Variants in ZFHX3 observed in about 807,000 individuals in gnomAD.
ZFHX3 encodes the protein zinc finger homeobox 3.
Under a neutral mutation model 279.1 loss-of-function variants are expected in ZFHX3, and 42 were observed. The ratio of observed to expected loss-of-function variants is 0.15; its 90% CI spans 0.12 to 0.19. ZFHX3 has a LOEUF of 0.19. Ranked by LOEUF, ZFHX3 falls within the 10% of genes least tolerant of loss-of-function variation. The probability of loss-of-function intolerance (pLI) is 1.00; values close to 1 mark genes in which losing one functional copy is unlikely to be tolerated. For missense variants in ZFHX3, 4,981 were observed against 4,754.0 expected, an observed-to-expected ratio of 1.05 and a Z score of -1.40; for synonymous variants, 2,293 against 1,957.8, an observed-to-expected ratio of 1.17 and a Z score of -4.52.
intron 4 of ZFHX3, among the ~76,000 whole-genome samples, chr16:72,847,947 T>C (rs2037520005): frequency 1.3e-5 from 2 of 152,034 alleles, no homozygotes; most frequent in African/African-American, 2.4e-5. Flanking sequence ...TCCATTCACA[T>C]CATCAGGAGA....
At chr16:73,396,572 A>G (rs544858343) in intron 3 of ZFHX3, among the ~76,000 whole-genome samples, 1 of 152,332 alleles carries the variant, frequency 6.6e-6, no homozygotes, top group East Asian at 1.9e-4. Context: ...GAAACTTACA[A>G]TCATGGCAGA....
At chr16:73,046,609 G>A (rs975632206) in intron 1 of ZFHX3, among the ~76,000 whole-genome samples, 14 of 152,070 alleles carry the variant, frequency 9.2e-5, no homozygotes, top group African/African-American at 3.4e-4. Flanking sequence ...ACTCGCACCT[G>A]CTGCTTGACG....
chr16:73,252,697 C>T (rs908031573), intron 5 of ZFHX3, among the ~76,000 whole-genome samples: 5 of 152,064 alleles, frequency 3.3e-5, no homozygotes. Flanking sequence ...GTAGAAACAT[C>T]GGTCACATGG....
At chr16:73,805,369 A>T (rs1293526933) in intron 1 of ZFHX3, among the ~76,000 whole-genome samples, 1 of 152,044 alleles carries the variant, frequency 6.6e-6, no homozygotes. Context: ...GGGTTTCACC[A>T]TGTTGGCCAG....
At chr16:73,318,871 A>G (rs1423992807) in intron 3 of ZFHX3, among the ~76,000 whole-genome samples, 1 of 152,186 alleles carries the variant, frequency 6.6e-6, no homozygotes, top group African/African-American at 2.4e-5. Context: ...GCCCCTGCAT[A>G]AATCAATTAT....
chr16:73,551,387 T>C (rs1424162988), intron 2 of ZFHX3, among the ~76,000 whole-genome samples: 2 of 152,232 alleles, frequency 1.3e-5, no homozygotes, highest in African/African-American at 4.8e-5. Flanking sequence ...GACCAAATTA[T>C]GCATCTGTTT....
intron 1 of ZFHX3, among the ~76,000 whole-genome samples, chr16:72,978,498 T>TC (rs1358405765): frequency 6.6e-6 from 1 of 151,934 alleles, no homozygotes; most frequent in Non-Finnish European, 1.5e-5. Context: ...CAGGACCCCT[T>TC]CCCCCACTCC....
At chr16:73,818,101 G>C (rs1401628945) in intron 1 of ZFHX3, among the ~76,000 whole-genome samples, 1 of 152,202 alleles carries the variant, frequency 6.6e-6, no homozygotes, top group Admixed American at 6.5e-5. Context: ...ACCCAAACGG[G>C]TCAGGCTTGA....
At chr16:73,760,546 C>A (rs1044922290) in intron 1 of ZFHX3, among the ~76,000 whole-genome samples, 6 of 152,028 alleles carry the variant, frequency 3.9e-5, no homozygotes, top group African/African-American at 1.4e-4. Context: ...AACTTCAGAC[C>A]AATATGAACA....
In ZFHX3 at chr16:72,798,461, G is replaced by C; in HGVS notation, c.4221C>G (p.Ser1407Arg). 1 of 1,614,228 alleles carries C rather than the reference G, an allele frequency of 6.2e-7. No homozygotes were observed. Among genetic ancestry groups the C allele is most frequent in the Non-Finnish European group, 8.5e-7 (1 of 1,180,026 alleles). Reference protein sequence around the residue: ...HVYKYRCNQCSLAFKTIEKLQ... With the variant: ...HVYKYRCNQCRLAFKTIEKLQ... ...ACTTTTCAATGGTCTTGAAGGCCAG[G>C]CTACACTGATTACAGCGGTACTTGT... Residue 1407 changes from serine (S) to arginine (R), a missense_variant, in exon 9 of 10, where the codon AGC (serine) becomes AGG (arginine). Ser to Arg is a moderately radical substitution (Grantham distance 110). This residue lies in a region of ZFHX3 where 1,751 missense variants were observed against 1,770.0 expected (regional missense o/e 0.99). Transcript: ENST00000268489.
chr16:73,363,252 T>C (rs1439681330), intron 3 of ZFHX3, among the ~76,000 whole-genome samples: 1 of 152,234 alleles, frequency 6.6e-6, no homozygotes, highest in African/African-American at 2.4e-5. Flanking sequence ...ATCAAACTGC[T>C]GACCCACAGA....
intron 2 of ZFHX3, among the ~76,000 whole-genome samples, chr16:73,541,380 A>G (rs2020008238): frequency 6.6e-6 from 1 of 152,024 alleles, no homozygotes; most frequent in African/African-American, 2.4e-5. Context: ...CAGCTACTCA[A>G]GAGGCTAAGG....
At chr16:73,586,781 G>A (rs2051931602) in intron 2 of ZFHX3, among the ~76,000 whole-genome samples, 3 of 152,030 alleles carry the variant, frequency 2.0e-5, no homozygotes, top group African/African-American at 4.8e-5. Context: ...TTGACCTAAT[G>A]GACATATTGT....
At chr16:73,445,521 G>A (rs779976115) in intron 3 of ZFHX3, among the ~76,000 whole-genome samples, 1 of 152,102 alleles carries the variant, frequency 6.6e-6, no homozygotes, top group African/African-American at 2.4e-5. Flanking sequence ...GTTCCAAATG[G>A]AACTATCTGA....
intron 3 of ZFHX3, among the ~76,000 whole-genome samples, chr16:72,913,580 G>A (rs1597372716): frequency 6.6e-6 from 1 of 152,164 alleles, no homozygotes; most frequent in Admixed American, 6.5e-5. Flanking sequence ...TGATCACTTT[G>A]TTAAGGTGAC....
At chr16:73,275,137 G>C (rs556527356) in intron 4 of ZFHX3, among the ~76,000 whole-genome samples, 1 of 152,200 alleles carries the variant, frequency 6.6e-6, no homozygotes, top group African/African-American at 2.4e-5. Context: ...TTTCGGGACA[G>C]AGAGTCTAGA....
At chr16:72,927,353 A>G (rs1001699673) in intron 3 of ZFHX3, among the ~76,000 whole-genome samples, 1 of 151,994 alleles carries the variant, frequency 6.6e-6, no homozygotes, top group Non-Finnish European at 1.5e-5. Context: ...TTCCTTAACA[A>G]TCCTCCCGAT....
intron 3 of ZFHX3, among the ~76,000 whole-genome samples, chr16:73,445,885 C>G (rs1464959250): frequency 6.6e-6 from 1 of 152,204 alleles, no homozygotes; most frequent in Admixed American, 6.5e-5. Flanking sequence ...GAGTTCTACA[C>G]TCTTCCATGA....
At chr16:73,309,647 G>A (rs1480999103) in intron 4 of ZFHX3, among the ~76,000 whole-genome samples, 1 of 152,128 alleles carries the variant, frequency 6.6e-6, no homozygotes, top group Non-Finnish European at 1.5e-5. Flanking sequence ...GTATTATAAT[G>A]GGAACATGTT....
Sources: gnomAD v4.1 joint callset for allele counts (sites outside exome capture counted in the v4.1 genomes callset) on GRCh38, gnomAD v4.1.1 for gene constraint, gnomAD v4.1.1 regional missense constraint, MANE v1.5 for transcripts, NCBI Gene and HGNC (gene_info 2026-07-23, HGNC 2026-07-21) for gene names.